Variants in IFT74 observed in about 807,000 individuals in gnomAD.
IFT74 encodes the protein intraflagellar transport 74.
A neutral mutation model predicts 96.7 loss-of-function variants in IFT74; 92 were observed. That is an observed-to-expected ratio of 0.95 (90% CI 0.80 to 1.13). The LOEUF (loss-of-function observed/expected upper bound fraction) is 1.13. Among genes scored for constraint, IFT74 ranks in the 50% most tolerant of loss-of-function variants. IFT74 has a pLI of 0.00. For synonymous variants in IFT74, 223 were observed against 213.2 expected (o/e 1.05, Z -0.40); for missense variants, 811 against 698.2 (o/e 1.16, Z -1.82).
intron 1 of IFT74, chr9:26,947,165 C>G: frequency 4.2e-6 from 5 of 1,198,950 alleles, no homozygotes; most frequent in South Asian, 1.7e-5. Flanking sequence ...CGGCCGGAGA[C>G]CGGAAGAGCC....
chr9:27,011,832 G>T, intron 9 of IFT74, 74 bp from the exon 10 acceptor site: 1 of 901,734 alleles, frequency 1.1e-6, no homozygotes. Flanking sequence ...TTTTTTCCCA[G>T]CTCCCTCCCC....
At chr9:26,957,816 C>A (rs549214201) in intron 1 of IFT74, among the ~76,000 whole-genome samples, 1 of 151,158 alleles carries the variant, frequency 6.6e-6, no homozygotes, top group Non-Finnish European at 1.5e-5. Flanking sequence ...TTTTTTGAGA[C>A]GGAGTCTTGC....
intron 16 of IFT74, among the ~76,000 whole-genome samples, chr9:27,055,270 C>T (rs1820109349): frequency 6.6e-6 from 1 of 152,044 alleles, no homozygotes; most frequent in South Asian, 2.1e-4. Context: ...CCCTACATAA[C>T]TGTGTCATGC....
rs1459540882 is a variant in IFT74 at position 27,018,677 on chromosome 9, A to G, written c.964A>G (p.Met322Val). The part of the protein sequence containing the change: ...IKDDNQEIAS[M>V]ERQLTDTKEK... ...AGATGATAATCAGGAAATAGCCAGCATGGAAAGACAGTAAGTATCTTTATA... is the reference window on the plus strand; with the variant it reads ...AGATGATAATCAGGAAATAGCCAGCGTGGAAAGACAGTAAGTATCTTTATA... The change falls in exon 12 of 20, where the codon ATG becomes GTG. Residue 322 changes from methionine to valine, a missense_variant. Transcript: ENST00000380062. 2.0e-6 allele frequency: 3 copies of G among 1,536,788 alleles called. No individual in the cohort carries two copies. The highest frequency in any genetic ancestry group is 2.7e-6 in the Non-Finnish European group (3 of 1,121,180).
chr9:27,056,527 T>A (rs1820166797), intron 18 of IFT74, 68 bp downstream of exon 18: 1 of 1,419,550 alleles, frequency 7.0e-7, no homozygotes, highest in Non-Finnish European at 9.5e-7. Flanking sequence ...CAATCAATTT[T>A]TTATTTTAAA....
chr9:27,026,522 C>T (rs1671194221), intron 12 of IFT74, among the ~76,000 whole-genome samples: 1 of 152,194 alleles, frequency 6.6e-6, no homozygotes, highest in Admixed American at 6.5e-5. Context: ...GCAGAATATA[C>T]ATTCTGTTCA....
At chr9:27,018,719 C>T (rs746460614) in intron 12 of IFT74, 32 bp downstream of exon 12, 2 of 1,325,892 alleles carry the variant, frequency 1.5e-6, no homozygotes, top group Non-Finnish European at 2.1e-6. Flanking sequence ...CATTTTACAT[C>T]CATTTCTCAC....
intron 13 of IFT74, among the ~76,000 whole-genome samples, chr9:27,036,116 T>G (rs1232657045): frequency 3.3e-5 from 5 of 152,224 alleles, no homozygotes; most frequent in Non-Finnish European, 7.3e-5. Context: ...TTTTATTATT[T>G]TCCACTTACT....
intron 4 of IFT74, chr9:26,983,856 T>C (rs1462293999): frequency 6.8e-6 from 1 of 147,956 alleles, no homozygotes; most frequent in Non-Finnish European, 1.5e-5. Flanking sequence ...CGATCTTGGC[T>C]CACTACAGTC....
chr9:27,055,316 T>C (rs115013494), intron 16 of IFT74, among the ~76,000 whole-genome samples: 481 of 152,282 alleles, frequency 3.2e-3, no homozygotes, highest in African/African-American at 0.011. Context: ...TCTCATAATA[T>C]AGATTATATT....
rs1217633017 is a variant in IFT74, at chr9:27,064,264, TGAC to T, written c.*1529_*1531del. 6.6e-6 allele frequency among the ~76,000 whole-genome samples: 1 copy of T among 152,124 alleles called. No homozygotes were observed. The highest frequency in any genetic ancestry group is 1.5e-5 in the Non-Finnish European group (1 of 67,962). ...GGGTGGCTCTATGGCCTTTTTCAGA[TGAC>T]TCCTGAGTATGTCTCTTTTTAGCCA... On this transcript the variant is annotated 3_prime_UTR_variant, in exon 20 of 20. Transcript: ENST00000380062.
intron 10 of IFT74, among the ~76,000 whole-genome samples, chr9:27,014,161 G>T (rs961855363): frequency 6.6e-6 from 1 of 152,136 alleles, no homozygotes; most frequent in Non-Finnish European, 1.5e-5. Context: ...CTTGCAGTGA[G>T]CCAAGATCAC....
At chr9:27,006,840 T>C in intron 8 of IFT74, among the ~76,000 whole-genome samples, 1 of 133,466 alleles carries the variant, frequency 7.5e-6, no homozygotes. Context: ...TGTTTTTTTT[T>C]TTTTTTTTTT....
intron 10 of IFT74, among the ~76,000 whole-genome samples, chr9:27,014,833 T>C (rs1368617673): frequency 3.9e-5 from 6 of 152,208 alleles, no homozygotes; most frequent in Non-Finnish European, 7.3e-5. Flanking sequence ...GGTCTTGAAC[T>C]CCTGACCTTG....
chr9:26,962,218 C>A, intron 2 of IFT74, 131 bp downstream of exon 2: 1 of 752,534 alleles, frequency 1.3e-6, no homozygotes, highest in Non-Finnish European at 2.1e-6. Flanking sequence ...GAGACTGTCT[C>A]AAAAATCTGT....
chr9:27,049,922 C>T (rs1331114852), intron 16 of IFT74, among the ~76,000 whole-genome samples: 1 of 151,992 alleles, frequency 6.6e-6, no homozygotes, highest in Non-Finnish European at 1.5e-5. Context: ...TAAAAAGAGA[C>T]AGATTAATTT....
intron 12 of IFT74, among the ~76,000 whole-genome samples, chr9:27,020,219 T>C (rs1829534038): frequency 6.6e-6 from 1 of 152,146 alleles, no homozygotes; most frequent in East Asian, 1.9e-4. Context: ...TTAATGTCTC[T>C]CATATTCTAT....
At chr9:27,062,239 G>A (rs1021627334) in intron 19 of IFT74, among the ~76,000 whole-genome samples, 6 of 152,178 alleles carry the variant, frequency 3.9e-5, no homozygotes, top group Non-Finnish European at 7.4e-5. Context: ...GGAGCAGAGC[G>A]AAGTCTAGAA....
chr9:26,953,877 A>G (rs1306446682), upstream of IFT74, among the ~76,000 whole-genome samples: 7 of 152,016 alleles, frequency 4.6e-5, no homozygotes, highest in Admixed American at 3.3e-4. Flanking sequence ...TTTTGTTAAC[A>G]TTTTTCTTCT....
Sources: gnomAD v4.1 joint callset for allele counts (sites outside exome capture counted in the v4.1 genomes callset) on GRCh38, gnomAD v4.1.1 for gene constraint, MANE v1.5 for transcripts, NCBI Gene and HGNC (gene_info 2026-07-23, HGNC 2026-07-21) for gene names.